The following UBE2D3 variants were observed in gnomAD, a reference collection of about 807,000 sequenced individuals.
UBE2D3 encodes ubiquitin-conjugating enzyme E2 D3.
A neutral mutation model predicts 22.8 loss-of-function variants in UBE2D3; 2 were observed. The ratio of observed to expected loss-of-function variants is 0.09; its 90% CI spans 0.04 to 0.28. The LOEUF is 0.28. Ranked by LOEUF, UBE2D3 falls within the 10% of genes least tolerant of loss-of-function variation. The probability of loss-of-function intolerance (pLI) is 1.00; values close to 1 mark genes in which losing one functional copy is unlikely to be tolerated. For synonymous variants in UBE2D3, 56 were observed against 60.4 expected (o/e 0.93, Z 0.34); for missense variants, 27 against 182.5 (o/e 0.15, Z 4.91).
At chr4:102,825,512 A>G (rs1441885264) in intron 2 of UBE2D3, 1 of 1,172,128 alleles carries the variant, frequency 8.5e-7, no homozygotes, top group African/African-American at 1.6e-5. Context: ...AAGAGCCTGA[A>G]CCAGTTAAAG....
chr4:102,833,907 C>A (rs2081235595), intron 1 of UBE2D3, among the ~76,000 whole-genome samples: 1 of 152,158 alleles, frequency 6.6e-6, no homozygotes, highest in Non-Finnish European at 1.5e-5. Flanking sequence ...GACCGACCTA[C>A]CCCTCTGCCC....
intron 2 of UBE2D3, chr4:102,825,940 G>C (rs774187226): frequency 2.8e-6 from 1 of 354,234 alleles, no homozygotes. Flanking sequence ...GCCCAGAGTC[G>C]ACTAAGAGTT....
intron 2 of UBE2D3, among the ~76,000 whole-genome samples, chr4:102,823,185 C>T (rs1729905443): frequency 1.3e-5 from 2 of 151,944 alleles, no homozygotes; most frequent in South Asian, 2.1e-4. Context: ...AAAAGTAAAC[C>T]GTTCTGAATG....
intron 1 of UBE2D3, among the ~76,000 whole-genome samples, chr4:102,865,409 T>A (rs1733098610): frequency 6.6e-6 from 1 of 151,158 alleles, no homozygotes; most frequent in Admixed American, 6.6e-5. Context: ...GGAGGATCAC[T>A]TGAACCTGGG....
At chr4:102,841,006 C>G (rs373179916) in intron 1 of UBE2D3, among the ~76,000 whole-genome samples, 1 of 146,820 alleles carries the variant, frequency 6.8e-6, no homozygotes, top group Non-Finnish European at 1.5e-5. Flanking sequence ...GGTGACAGAA[C>G]AAGACTCTTT....
chr4:102,826,791 G>C (rs1202041640), intron 1 of UBE2D3, 155 bp from the exon 2 acceptor site: 8 of 1,266,764 alleles, frequency 6.3e-6, no homozygotes, highest in Middle Eastern at 3.0e-4. Flanking sequence ...CGAAGTGGGG[G>C]CGAGGGTGAC....
chr4:102,854,234 C>T (rs978283553), intron 1 of UBE2D3, among the ~76,000 whole-genome samples: 5 of 151,692 alleles, frequency 3.3e-5, no homozygotes, highest in African/African-American at 1.2e-4. Context: ...ATTTTTTTTG[C>T]AAACAAATGT....
intron 1 of UBE2D3, among the ~76,000 whole-genome samples, chr4:102,857,099 C>T (rs1291231931): frequency 3.3e-5 from 5 of 152,070 alleles, no homozygotes; most frequent in South Asian, 4.1e-4. Flanking sequence ...GACAAATGTA[C>T]CACACTAATG....
chr4:102,802,658 C>T lies in UBE2D3; in HGVS notation c.121-20G>A, dbSNP rs138429164. 891 of 1,556,986 alleles carry T rather than the reference C, an allele frequency of 5.7e-4. 7 individuals carry two copies. The African/African-American group carries it at 0.011, about 19-fold the overall frequency. ...GTCATTCTGTAAAAAGAAAAGTATG[C>T]TTAACTCAAATTTAAAATATTATTG... On this transcript the variant is annotated intron_variant, in intron 4 of 7. Transcript: ENST00000453744.
intron 1 of UBE2D3, among the ~76,000 whole-genome samples, chr4:102,833,557 A>C (rs1731227238): frequency 6.6e-6 from 1 of 152,244 alleles, no homozygotes; most frequent in South Asian, 2.1e-4. Flanking sequence ...AGAGAATTCA[A>C]AGAATTTAGT....
intron 1 of UBE2D3, among the ~76,000 whole-genome samples, chr4:102,860,606 C>T (rs1000942734): frequency 6.6e-6 from 1 of 151,928 alleles, no homozygotes; most frequent in African/African-American, 2.4e-5. Context: ...TCCTCTTGTT[C>T]TGTCTTGGGA....
intron 2 of UBE2D3, among the ~76,000 whole-genome samples, chr4:102,823,728 G>C (rs1379779143): frequency 6.6e-6 from 1 of 152,010 alleles, no homozygotes; most frequent in Non-Finnish European, 1.5e-5. Flanking sequence ...TTCAAATAAA[G>C]AATACAGGAA....
At chr4:102,827,627 C>A (rs1182568132), upstream of UBE2D3, 5 of 986,772 alleles carry the variant, frequency 5.1e-6, no homozygotes, top group South Asian at 1.9e-4. Context: ...CCAACGCCGC[C>A]GTCCCGAGCA....
upstream of UBE2D3, chr4:102,827,578 C>T (rs1730784019): frequency 3.0e-6 from 3 of 987,052 alleles, no homozygotes; most frequent in Non-Finnish European, 3.6e-6. Flanking sequence ...CTCCGCCCCT[C>T]CCCCTCCTCC....
intron 2 of UBE2D3, among the ~76,000 whole-genome samples, chr4:102,813,754 A>G (rs1728397554): frequency 6.6e-6 from 1 of 152,250 alleles, no homozygotes; most frequent in Non-Finnish European, 1.5e-5. Flanking sequence ...AAAGTTAAAA[A>G]GAAATAAAGA....
At chr4:102,825,061 T>G (rs1250184757) in intron 2 of UBE2D3, among the ~76,000 whole-genome samples, 1 of 152,168 alleles carries the variant, frequency 6.6e-6, no homozygotes, top group Non-Finnish European at 1.5e-5. Context: ...ATACTAAGAG[T>G]GAAGATTTAA....
intron 2 of UBE2D3, among the ~76,000 whole-genome samples, chr4:102,824,517 T>C (rs1730150060): frequency 6.6e-6 from 1 of 152,238 alleles, no homozygotes; most frequent in African/African-American, 2.4e-5. Flanking sequence ...TTACAACAGA[T>C]ACCCTTCTTA....
At chr4:102,798,917 G>T in intron 7 of UBE2D3, 1 of 1,611,532 alleles carries the variant, frequency 6.2e-7, no homozygotes, top group Non-Finnish European at 8.5e-7. Flanking sequence ...ATAGAGTGCA[G>T]ATCCTCTTAC....
In UBE2D3 at chr4:102,795,710, G is replaced by C. The variant is rs1282897558; in HGVS notation, c.*1705C>G. The C allele has an allele frequency of 6.6e-6, 1 of 152,042 alleles. No individual in the cohort carries two copies. Among genetic ancestry groups the C allele is most frequent in the Non-Finnish European group, 1.5e-5 (1 of 67,934 alleles). 9.4% of individuals were successfully genotyped at this position (152,042 alleles called of 1,614,324 possible). ...ATATTAAAATGTTTATAAAAAGTAAGTTTTAACATTTATTTCTAGCTTTCC... is the reference window on the plus strand; with the variant it reads ...ATATTAAAATGTTTATAAAAAGTAACTTTTAACATTTATTTCTAGCTTTCC... On this transcript the variant is annotated 3_prime_UTR_variant, in exon 8 of 8. Coordinates refer to ENST00000453744, the MANE Select transcript of UBE2D3 (RefSeq NM_181891.3).
Sources: allele counts gnomAD v4.1 joint callset (sites outside exome capture counted in the v4.1 genomes callset), GRCh38; gene constraint gnomAD v4.1.1; transcripts MANE v1.5; gene names NCBI Gene and HGNC (gene_info 2026-07-23, HGNC 2026-07-21).